Variants in EPHB1 observed in about 807,000 individuals in gnomAD.
EPHB1 encodes EPH receptor B1, also known as ephrin type-B receptor 1.
Under a neutral mutation model 94.4 loss-of-function variants are expected in EPHB1, and 30 were observed. The observed-to-expected ratio is 0.32, with a 90% confidence interval of 0.24 to 0.43. EPHB1 has a LOEUF of 0.43. EPHB1 is among the 20% of genes least tolerant of loss of function. EPHB1 has a pLI of 1.00. For missense variants in EPHB1, 1,055 were observed against 1,308.3 expected, an observed-to-expected ratio of 0.81 and a Z score of 2.99; for synonymous variants, 522 against 489.1, an observed-to-expected ratio of 1.07 and a Z score of -0.89.
chr3:134,825,900 A>G (rs2108291614), intron 1 of EPHB1, among the ~76,000 whole-genome samples: 1 of 152,058 alleles, frequency 6.6e-6, no homozygotes, highest in Admixed American at 6.5e-5. Context: ...CTTTTACCAT[A>G]TCTGCATTGT....
In EPHB1 at chr3:135,068,660, TG is replaced by T. The variant is rs544613461; in HGVS notation, c.806-37787del. On this transcript the variant is annotated intron_variant, in intron 3 of 15. Transcript: ENST00000398015. Reference sequence around the variant, plus strand: ...CAGAAGTTTTTAATTTTTTTTTTTTTGTTTTTGAGACTGAGTCTTGCTCTGT... The same window carrying T: ...CAGAAGTTTTTAATTTTTTTTTTTTTTTTTTGAGACTGAGTCTTGCTCTGT... 9.0e-3 allele frequency among the ~76,000 whole-genome samples: 1,357 copies of T among 151,620 alleles called. 18 individuals are homozygous for T. The highest frequency in any genetic ancestry group is 0.031 in the African/African-American group (1,278 of 41,226).
At position 135,201,363 on chromosome 3, in the gene EPHB1, G is replaced by T. The variant is rs75542679; in HGVS notation, c.2131-111G>T. 3.7e-3 allele frequency: 3,824 copies of T among 1,038,544 alleles called. 98 individuals are homozygous for T. The African/African-American group carries it at 0.053, about 14-fold the overall frequency. 64.3% of individuals were successfully genotyped at this position (1,038,544 alleles called of 1,614,324 possible). A position where few individuals can be genotyped will look rare whatever the true frequency, so the allele number is the denominator to read the frequency against. The stretch of plus-strand genomic sequence containing the variant: ...GGAAGAGAGGAGGACACAGTGAGTG[G>T]CTTGGCCTGGAGCAGACAGAAGCTG... On this transcript the variant is annotated intron_variant, in intron 11 of 15. Transcript: ENST00000398015.
intron 3 of EPHB1, among the ~76,000 whole-genome samples, chr3:135,106,043 A>G (rs1939206151): frequency 6.6e-6 from 1 of 152,240 alleles, no homozygotes; most frequent in South Asian, 2.1e-4. Context: ...CTGAGGCCAT[A>G]GGATGAGATG....
chr3:135,202,414 C>T (rs750332875), intron 12 of EPHB1, among the ~76,000 whole-genome samples: 3 of 151,006 alleles, frequency 2.0e-5, no homozygotes, highest in Admixed American at 1.3e-4. Flanking sequence ...AATCCCTCAG[C>T]GGCCCCCATA....
chr3:134,836,600 C>G (rs61281257), intron 1 of EPHB1, among the ~76,000 whole-genome samples: 2 of 152,054 alleles, frequency 1.3e-5, no homozygotes, highest in African/African-American at 4.8e-5. Context: ...ATTATTGTAA[C>G]TGGTTAAAAT....
At chr3:134,862,016 G>A (rs1215140301) in intron 1 of EPHB1, among the ~76,000 whole-genome samples, 1 of 152,188 alleles carries the variant, frequency 6.6e-6, no homozygotes, top group Non-Finnish European at 1.5e-5. Context: ...AGCCTCCCAT[G>A]AAGGCCTTAG....
chr3:135,033,598 C>T (rs944285791), intron 3 of EPHB1, among the ~76,000 whole-genome samples: 23 of 152,210 alleles, frequency 1.5e-4, no homozygotes, highest in African/African-American at 5.5e-4. Context: ...AGGCATAGCA[C>T]TGGGGATTCC....
intron 4 of EPHB1, among the ~76,000 whole-genome samples, chr3:135,129,000 A>G (rs1040076519): frequency 6.6e-6 from 1 of 152,056 alleles, no homozygotes; most frequent in Non-Finnish European, 1.5e-5. Flanking sequence ...AAGGCCCTTA[A>G]TGTCTGTTTC....
At chr3:135,045,296 G>A (rs1936969016) in intron 3 of EPHB1, among the ~76,000 whole-genome samples, 1 of 152,002 alleles carries the variant, frequency 6.6e-6, no homozygotes, top group South Asian at 2.1e-4. Flanking sequence ...GAAAAAGAAA[G>A]CAAATTTTGC....
At chr3:135,026,849 T>G (rs1289809303) in intron 3 of EPHB1, among the ~76,000 whole-genome samples, 3 of 145,200 alleles carry the variant, frequency 2.1e-5, no homozygotes, top group East Asian at 4.0e-4. Flanking sequence ...CCCATGAGCA[T>G]GGAATGTTCT....
chr3:135,237,146 T>C (rs913263892), intron 12 of EPHB1, among the ~76,000 whole-genome samples: 1 of 152,102 alleles, frequency 6.6e-6, no homozygotes, highest in African/African-American at 2.4e-5. Context: ...AAAGTGCCTC[T>C]ACACCAAGAG....
intron 3 of EPHB1, among the ~76,000 whole-genome samples, chr3:135,039,158 G>C (rs1200293029): frequency 6.6e-6 from 1 of 151,098 alleles, no homozygotes; most frequent in Non-Finnish European, 1.5e-5. Flanking sequence ...GCTAGATACA[G>C]AGTGCCGATT....
intron 1 of EPHB1, among the ~76,000 whole-genome samples, chr3:134,910,014 T>A (rs2038419137): frequency 6.6e-6 from 1 of 152,164 alleles, no homozygotes; most frequent in Non-Finnish European, 1.5e-5. Context: ...TGCCTCCTAG[T>A]CCATTCCCTC....
intron 3 of EPHB1, among the ~76,000 whole-genome samples, chr3:134,983,140 T>C (rs1382759769): frequency 2.0e-5 from 3 of 152,234 alleles, no homozygotes; most frequent in South Asian, 2.1e-4. Flanking sequence ...CCTCCCTTAG[T>C]GACTTTCAGT....
intron 3 of EPHB1, among the ~76,000 whole-genome samples, chr3:135,094,633 A>T (rs1341107203): frequency 6.6e-6 from 1 of 152,188 alleles, no homozygotes; most frequent in Non-Finnish European, 1.5e-5. Flanking sequence ...CCCCTGTGTA[A>T]GGAAGTACAG....
intron 2 of EPHB1, among the ~76,000 whole-genome samples, chr3:134,945,489 T>A (rs1018232356): frequency 1.3e-5 from 2 of 152,218 alleles, no homozygotes; most frequent in African/African-American, 4.8e-5. Flanking sequence ...TTTAAAATGA[T>A]TTACCTTCTT....
At chr3:134,806,371 C>T (rs532319478) in intron 1 of EPHB1, among the ~76,000 whole-genome samples, 5 of 152,286 alleles carry the variant, frequency 3.3e-5, no homozygotes, top group Admixed American at 1.3e-4. Flanking sequence ...GAAGGGGTCA[C>T]GTAGAATTTC....
chr3:134,807,551 G>GGGAGAGAGAGA (rs1553852715), intron 1 of EPHB1, among the ~76,000 whole-genome samples: 1 of 84,832 alleles, frequency 1.2e-5, no homozygotes, highest in Non-Finnish European at 3.2e-5. Context: ...GAGAGAGAGA[G>GGGAGAGAGAGA]GGGAGAGAGA....
chr3:135,131,658 G>A (rs142026463), intron 4 of EPHB1, among the ~76,000 whole-genome samples: 14 of 152,296 alleles, frequency 9.2e-5, no homozygotes, highest in African/African-American at 1.2e-4. Flanking sequence ...CATTGTGGCC[G>A]TTAATTCAGC....
Sources: gnomAD v4.1 joint callset for allele counts (sites outside exome capture counted in the v4.1 genomes callset) on GRCh38, gnomAD v4.1.1 for gene constraint, MANE v1.5 for transcripts, NCBI Gene and HGNC (gene_info 2026-07-23, HGNC 2026-07-21) for gene names.